HERC3: variants seen among roughly 807,000 people sequenced by gnomAD.
The protein encoded by HERC3 is HECT and RLD domain containing E3 ubiquitin protein ligase 3.
Under a neutral mutation model 129.9 loss-of-function variants are expected in HERC3, and 58 were observed. That is an observed-to-expected ratio of 0.45 (90% CI 0.36 to 0.56). The LOEUF (loss-of-function observed/expected upper bound fraction) is 0.56. Ranked by LOEUF, HERC3 falls within the 20% of genes least tolerant of loss-of-function variation. The pLI is 0.00. For missense variants in HERC3, 835 were observed against 1,244.2 expected, an observed-to-expected ratio of 0.67 and a Z score of 4.95; for synonymous variants, 430 against 451.0, an observed-to-expected ratio of 0.95 and a Z score of 0.59.
At chr4:88,532,839 G>C in the HERC3 span, among the ~76,000 whole-genome samples, 63 of 152,342 alleles carry the variant, frequency 4.1e-4, no homozygotes, top group African/African-American at 1.4e-3. Context: ...GTTCAAGGGA[G>C]AGCTTGAGGA....
At chr4:88,674,947 C>A (rs1171885080) in intron 16 of HERC3, among the ~76,000 whole-genome samples, 2 of 152,126 alleles carry the variant, frequency 1.3e-5, no homozygotes, top group African/African-American at 4.8e-5. Flanking sequence ...TCCATAAGGA[C>A]AAGAGGAGGC....
Position 88,662,482 on chromosome 4 carries a change from A to C in HERC3, c.1198A>C (p.Ser400Arg), listed in dbSNP as rs1310486608. ...GACTATGAACCAAGCACATTATACCAGTTTAATAAATGATGAAACCATAGC... is the reference window on the plus strand; with the variant it reads ...GACTATGAACCAAGCACATTATACCCGTTTAATAAATGATGAAACCATAGC... ...FRTMNQAHYT[S>R]LINDETIAVW... Residue 400 changes from serine to arginine, a missense_variant, in exon 11 of 26, where the codon AGT (serine) becomes CGT (arginine). Coordinates refer to ENST00000402738, the MANE Select transcript of HERC3 (RefSeq NM_014606.3). 1.2e-6 allele frequency: 2 copies of C among 1,612,234 alleles called. No homozygotes were observed. Among genetic ancestry groups the C allele is most frequent in the African/African-American group, 2.7e-5 (2 of 74,884 alleles).
chr4:88,538,798 C>A, the HERC3 span, among the ~76,000 whole-genome samples: 1 of 152,154 alleles, frequency 6.6e-6, no homozygotes. Flanking sequence ...CCGCCTCGGC[C>A]TCCCAAAGTG....
chr4:88,627,674 G>C (rs1031112334), intron 3 of HERC3, among the ~76,000 whole-genome samples: 2 of 151,974 alleles, frequency 1.3e-5, no homozygotes, highest in African/African-American at 4.8e-5. Context: ...AGGCCGAGGT[G>C]GGCATATCAC....
intron 23 of HERC3, 109 bp from the exon 24 acceptor site, chr4:88,703,989 A>G: frequency 9.8e-7 from 1 of 1,015,612 alleles, no homozygotes; most frequent in Non-Finnish European, 1.5e-6. Flanking sequence ...CTGATTTGAG[A>G]ATTTGATGAA....
At chr4:88,704,635 G>C (rs1379828437) in intron 25 of HERC3, 25 bp downstream of exon 25, 12 of 1,384,006 alleles carry the variant, frequency 8.7e-6, no homozygotes, top group Non-Finnish European at 1.2e-5. Context: ...TCTCAATATG[G>C]TATTTGTCTA....
At chr4:88,632,129 A>G (rs1004157772) in intron 3 of HERC3, among the ~76,000 whole-genome samples, 3 of 152,240 alleles carry the variant, frequency 2.0e-5, no homozygotes, top group African/African-American at 4.8e-5. Context: ...CAGAGAGCCC[A>G]TGAATGCAAC....
At chr4:88,595,050 C>T (rs1409168355) in intron 1 of HERC3, among the ~76,000 whole-genome samples, 1 of 134,096 alleles carries the variant, frequency 7.5e-6, no homozygotes, top group African/African-American at 2.8e-5. Context: ...TGCAGTGAGC[C>T]GAGATCGGCC....
chr4:88,550,242 C>T, the HERC3 span, among the ~76,000 whole-genome samples: 1 of 152,136 alleles, frequency 6.6e-6, no homozygotes. Flanking sequence ...GATGCCCTCT[C>T]TCACCACTCC....
the HERC3 span, among the ~76,000 whole-genome samples, chr4:88,547,224 G>T: frequency 1.3e-5 from 2 of 152,056 alleles, no homozygotes; most frequent in African/African-American, 4.8e-5. Flanking sequence ...TTCTTTGCTG[G>T]AGTATTGGTA....
the HERC3 span, among the ~76,000 whole-genome samples, chr4:88,577,129 A>G: frequency 2.0e-5 from 3 of 152,192 alleles, no homozygotes; most frequent in African/African-American, 7.2e-5. Flanking sequence ...ACTGTAGTGG[A>G]CATTAAAATA....
At chr4:88,545,435 T>C in the HERC3 span, among the ~76,000 whole-genome samples, 1 of 147,246 alleles carries the variant, frequency 6.8e-6, no homozygotes, top group East Asian at 2.0e-4. Flanking sequence ...GAATTCTTTT[T>C]TTTTTTTTTT....
In HERC3 at chr4:88,662,468, A is replaced by G. The variant is rs1293930820; in HGVS notation, c.1184A>G (p.Gln395Arg). ...GCTGTTGACTTCAGGACTATGAACC[A>G]AGCACATTATACCAGTTTAATAAAT... ...SPAVDFRTMN[Q>R]AHYTSLINDE... Residue 395 changes from glutamine to arginine, a missense_variant, in exon 11 of 26, where the codon CAA (glutamine) becomes CGA (arginine). Physicochemically the swap from Gln to Arg is conservative, Grantham distance 43. Transcript: ENST00000402738. 1 of 1,613,382 alleles carries G rather than the reference A, an allele frequency of 6.2e-7. No individual in the cohort carries two copies. The highest frequency in any genetic ancestry group is 8.5e-7 in the Non-Finnish European group (1 of 1,179,490).
chr4:88,575,759 T>A, the HERC3 span, among the ~76,000 whole-genome samples: 1 of 152,214 alleles, frequency 6.6e-6, no homozygotes, highest in African/African-American at 2.4e-5. Context: ...ATTTAATATT[T>A]CATTTCAATT....
Position 88,699,526 on chromosome 4 carries a change from A to G in HERC3, c.2658-4572A>G, listed in dbSNP as rs531222264. Among the ~76,000 whole-genome samples, 5 of 149,156 alleles carry G rather than the reference A, an allele frequency of 3.4e-5. No individual in the cohort carries two copies. The East Asian group carries it at 8.0e-4, about 24-fold the overall frequency. On this transcript the variant is annotated intron_variant, in intron 23 of 25. Coordinates refer to ENST00000402738, the MANE Select transcript of HERC3 (RefSeq NM_014606.3). ...CCATATATCATCTCTTTTGATGGCT[A>G]CAGCTGCCTTGAGATTAGGAATGAT...
the HERC3 span, among the ~76,000 whole-genome samples, chr4:88,558,813 G>T: frequency 6.8e-6 from 1 of 147,172 alleles, no homozygotes; most frequent in African/African-American, 2.6e-5. Context: ...AAAAAAAAAA[G>T]AAAAATTAGC....
chr4:88,546,439 A>G, the HERC3 span, among the ~76,000 whole-genome samples: 142 of 152,284 alleles, frequency 9.3e-4, 1 homozygote, highest in Admixed American at 9.2e-3. Flanking sequence ...CAAATCTGGT[A>G]GTGTTTAATG....
In HERC3 at chr4:88,667,809, T is replaced by C. The variant is rs1370203814; in HGVS notation, c.1444-83T>C. 8 of 1,020,422 alleles carry C rather than the reference T, an allele frequency of 7.8e-6. No individual in the cohort carries two copies. In the East Asian group the frequency reaches 1.7e-4, roughly 21 times the overall value. The allele number at this position is 1,020,422 out of a possible 1,614,324, so 63.2% of individuals were successfully genotyped here. ...AGTGAATGAATGAGAGTTGAGAGTCTATCAAATAGCTTATGAACTTAGAGA... is the reference window on the plus strand; with the variant it reads ...AGTGAATGAATGAGAGTTGAGAGTCCATCAAATAGCTTATGAACTTAGAGA... On this transcript the variant is annotated intron_variant, in intron 13 of 25. Transcript: ENST00000402738.
intron 2 of HERC3, among the ~76,000 whole-genome samples, chr4:88,601,696 C>G (rs1237548615): frequency 3.3e-5 from 5 of 152,158 alleles, no homozygotes; most frequent in African/African-American, 4.8e-5. Flanking sequence ...ATATTTTGAC[C>G]TGTAGGACCT....
Sources: allele counts gnomAD v4.1 joint callset (sites outside exome capture counted in the v4.1 genomes callset), GRCh38; gene constraint gnomAD v4.1.1; transcripts MANE v1.5; gene names NCBI Gene and HGNC (gene_info 2026-07-23, HGNC 2026-07-21).